The following SEMA3F variants were observed in gnomAD, a reference collection of about 807,000 sequenced individuals.
The protein encoded by SEMA3F is semaphorin 3F, also known as semaphorin-3F.
Under a neutral mutation model 98.5 loss-of-function variants are expected in SEMA3F, and 30 were observed. The observed-to-expected ratio is 0.30, with a 90% CI of 0.23 to 0.41. The LOEUF (loss-of-function observed/expected upper bound fraction) is 0.41. Among genes scored for constraint, SEMA3F ranks in the 10% least tolerant of loss-of-function variants. The probability of loss-of-function intolerance (pLI) is 1.00; values close to 1 mark genes in which losing one functional copy is unlikely to be tolerated. For synonymous variants in SEMA3F, 380 were observed against 444.8 expected (o/e 0.85, Z 1.83); for missense variants, 866 against 1,119.3 (o/e 0.77, Z 3.23).
intron 7 of SEMA3F, among the ~76,000 whole-genome samples, chr3:50,178,016 C>T (rs953681852): frequency 6.6e-6 from 1 of 151,996 alleles, no homozygotes; most frequent in Admixed American, 6.6e-5. Flanking sequence ...CGGAGGCGGG[C>T]GGATCACCTG....
chr3:50,171,141 CCCTCCACCCCCA>C (rs1485768037), intron 2 of SEMA3F, among the ~76,000 whole-genome samples: 1 of 152,164 alleles, frequency 6.6e-6, no homozygotes, highest in African/African-American at 2.4e-5. Context: ...GCAAGGGGCT[CCCTCCACCCCCA>C]CCTCCACCCA....
Position 50,183,181 on chromosome 3 carries a change from C to A in SEMA3F, c.1019-5C>A. 6.2e-7 allele frequency: 1 copy of A among 1,613,620 alleles called. No individual in the cohort carries two copies. The highest frequency in any genetic ancestry group is 8.5e-7 in the Non-Finnish European group (1 of 1,179,572). ...CCCTCCAACACCTTCTCCCTCTGTC[C>A]CCAGAGGACGTGTTTGTCCAGCAGA... On this transcript the variant is annotated splice_polypyrimidine_tract_variant and splice_region_variant and intron_variant, in intron 10 of 18. Transcript: ENST00000002829.
In SEMA3F at chr3:50,185,975, C is replaced by T. The variant is rs1408121995; in HGVS notation, c.1674C>T (p.Cys558=). The T allele has an allele frequency of 1.2e-6, 2 of 1,614,128 alleles. No individual in the cohort carries two copies. Among genetic ancestry groups the T allele is most frequent in the Non-Finnish European group, 1.7e-6 (2 of 1,180,012 alleles). The change falls in exon 16 of 19, where the codon TGC becomes TGT. Residue 558 remains cysteine, a synonymous_variant. Transcript: ENST00000002829. ...CGTATGGGGCTGCCTGTGCTGACTG[C>T]TGCCTTGCCCGGGACCCTTACTGTG... ...CQAYGAACAD[C]CLARDPYCAW...
In SEMA3F at chr3:50,182,521, G is replaced by C; in HGVS notation, c.763+118G>C. ...GTTTAGCCTATGACTACCTGGGGCA[G>C]GGGTAGTTTCTTATCTGGAGAGGAG... On this transcript the variant is annotated intron_variant, in intron 8 of 18. Transcript: ENST00000002829. The surrounding 1 kb of genome is among the most constrained non-coding windows in gnomAD (Gnocchi z 4.5). The C allele has an allele frequency of 6.4e-7, 1 of 1,571,296 alleles. No individual in the cohort carries two copies. Among genetic ancestry groups the C allele is most frequent in the South Asian group, 1.1e-5 (1 of 88,328 alleles).
At chr3:50,187,152 C>G (rs914395637) in intron 18 of SEMA3F, among the ~76,000 whole-genome samples, 1 of 152,142 alleles carries the variant, frequency 6.6e-6, no homozygotes, top group Admixed American at 6.5e-5. Flanking sequence ...TCTGGCTGGA[C>G]GTGGTGGCTC....
intron 2 of SEMA3F, among the ~76,000 whole-genome samples, chr3:50,160,989 C>T (rs1196742231): frequency 6.6e-6 from 1 of 152,188 alleles, no homozygotes; most frequent in Admixed American, 6.5e-5. Flanking sequence ...CCCCCTTCCC[C>T]GGGCCCCAGG....
Position 50,188,159 on chromosome 3 carries a change from C to A in SEMA3F, c.*44C>A. The A allele has an allele frequency of 4.1e-6, 4 of 970,022 alleles. No individual in the cohort carries two copies. The highest frequency in any genetic ancestry group is 5.5e-6 in the Non-Finnish European group (4 of 732,980). The allele number at this position is 970,022 out of a possible 1,614,324, so 60.1% of individuals were successfully genotyped here. ...GCCATGGGCCAGCCTAGCCCTTGTC[C>A]CTTTTAATATAAAAGATATATATAT... On this transcript the variant is annotated 3_prime_UTR_variant, in exon 19 of 19. Transcript: ENST00000002829. This position sits in a 1 kb window ranked among gnomAD's most constrained non-coding sequence, Gnocchi z 4.5.
intron 3 of SEMA3F, 32 bp from the exon 4 acceptor site, chr3:50,174,020 A>T: frequency 6.2e-7 from 1 of 1,613,982 alleles, no homozygotes; most frequent in Non-Finnish European, 8.5e-7. Flanking sequence ...GCATGTCCAG[A>T]AGGCTGCACC....
Position 50,175,120 on chromosome 3 carries a change from G to A in SEMA3F, c.481G>A (p.Ala161Thr). The change falls in exon 6 of 19, where the codon GCG (alanine) becomes ACG (threonine). Residue 161 changes from alanine to threonine, a missense_variant. Ala to Thr is a moderately conservative substitution (Grantham distance 58, BLOSUM62 0). Coordinates refer to ENST00000002829, the MANE Select transcript of SEMA3F (RefSeq NM_004186.5). ...GGCCACACCATGGACCCAGACTCAGGCGGTCAGAGGCCGCGGCAGCAGAGC... is the reference window on the plus strand; with the variant it reads ...GGCCACACCATGGACCCAGACTCAGACGGTCAGAGGCCGCGGCAGCAGAGC... ...AQATPWTQTQ[A>T]VRGRGSRATD... 9 of 1,611,686 alleles carry A rather than the reference G, an allele frequency of 5.6e-6. No homozygotes were observed. Among genetic ancestry groups the A allele is most frequent in the Non-Finnish European group, 7.6e-6 (9 of 1,179,256 alleles).
intron 18 of SEMA3F, among the ~76,000 whole-genome samples, chr3:50,186,988 G>C (rs574945183): frequency 3.3e-5 from 5 of 152,144 alleles, no homozygotes; most frequent in Non-Finnish European, 7.3e-5. Context: ...TACCACATTG[G>C]GGGTGTACCT....
chr3:50,186,780 G>A (rs754232747), intron 18 of SEMA3F, 34 bp downstream of exon 18: 2 of 1,558,716 alleles, frequency 1.3e-6, no homozygotes, highest in Non-Finnish European at 1.7e-6. Context: ...CACCGTGGAT[G>A]TGAGTCCTTG....
chr3:50,172,501 C>T (rs1173293666), intron 2 of SEMA3F, among the ~76,000 whole-genome samples: 7 of 152,078 alleles, frequency 4.6e-5, no homozygotes, highest in Admixed American at 4.6e-4. Flanking sequence ...AGGACTTTTC[C>T]CCAGCATCCT....
In SEMA3F at chr3:50,175,153, G is replaced by C; in HGVS notation, c.514G>C (p.Gly172Arg). Residue 172 changes from glycine (G) to arginine (R), a missense_variant, in exon 6 of 19, where the codon GGT becomes CGT. Coordinates refer to ENST00000002829, the MANE Select transcript of SEMA3F (RefSeq NM_004186.5). ...AGGCCGCGGCAGCAGAGCCACGGAT[G>C]GTGCCCTCCGCCCGATGCCCACAGC... Reference protein sequence around the residue: ...VRGRGSRATDGALRPMPTAPR... With the variant: ...VRGRGSRATDRALRPMPTAPR... The C allele has an allele frequency of 6.2e-7, 1 of 1,608,260 alleles. No homozygotes were observed. The highest frequency in any genetic ancestry group is 8.5e-7 in the Non-Finnish European group (1 of 1,177,912).
intron 5 of SEMA3F, among the ~76,000 whole-genome samples, chr3:50,174,781 T>A (rs1030904541): frequency 6.6e-6 from 1 of 152,156 alleles, no homozygotes; most frequent in African/African-American, 2.4e-5. Context: ...GGGCCAGGGT[T>A]GTGGGGAGCT....
At chr3:50,184,292 A>G (rs957652814) in intron 12 of SEMA3F, 9 of 447,970 alleles carry the variant, frequency 2.0e-5, no homozygotes, top group African/African-American at 1.8e-4. Flanking sequence ...ACCAGAGAGG[A>G]AGGAGATGAC....
intron 7 of SEMA3F, among the ~76,000 whole-genome samples, chr3:50,177,071 T>TATCCAAAGGGTAG (rs1698843814): frequency 6.6e-6 from 1 of 152,208 alleles, no homozygotes; most frequent in Non-Finnish European, 1.5e-5. Context: ...AGCCTCCGCC[T>TATCCAAAGGGTAG]GGCCCCTTTG....
At chr3:50,177,867 A>G (rs1698871585) in intron 7 of SEMA3F, among the ~76,000 whole-genome samples, 1 of 152,068 alleles carries the variant, frequency 6.6e-6, no homozygotes, top group Non-Finnish European at 1.5e-5. Flanking sequence ...ACTAAAAAAT[A>G]AAAAATAAAA....
rs1199338430 is a variant in SEMA3F at position 50,188,198 on chromosome 3, T to TATATATAA, written c.*84_*85insTATATAAA. On this transcript the variant is annotated 3_prime_UTR_variant, in exon 19 of 19. Transcript: ENST00000002829. This position sits in a 1 kb window ranked among gnomAD's most constrained non-coding sequence, Gnocchi z 4.5. The stretch of plus-strand genomic sequence containing the variant: ...AGATATATATATATATATATATATA[T>TATATATAA]AAAATATCTATATTCTATACACACC... 1 of 454,340 alleles carries TATATATAA rather than the reference T, an allele frequency of 2.2e-6. No homozygotes were observed. Among genetic ancestry groups the TATATATAA allele is most frequent in the Non-Finnish European group, 3.3e-6 (1 of 307,304 alleles). 28.1% of individuals were successfully genotyped at this position (454,340 alleles called of 1,614,324 possible).
chr3:50,182,520 AG>A lies in SEMA3F; in HGVS notation c.764-120del. The A allele has an allele frequency of 6.4e-7, 1 of 1,569,458 alleles. No individual in the cohort carries two copies. The highest frequency in any genetic ancestry group is 1.1e-5 in the South Asian group (1 of 88,340). ...TGTTTAGCCTATGACTACCTGGGGC[AG>A]GGGTAGTTTCTTATCTGGAGAGGAG... On this transcript the variant is annotated intron_variant, in intron 8 of 18. Coordinates refer to ENST00000002829, the MANE Select transcript of SEMA3F (RefSeq NM_004186.5). The surrounding 1 kb of genome is among the most constrained non-coding windows in gnomAD (Gnocchi z 4.5).
Sources: allele counts gnomAD v4.1 joint callset (sites outside exome capture counted in the v4.1 genomes callset), GRCh38; gene constraint gnomAD v4.1.1; non-coding constraint Gnocchi (gnomAD v3.1); transcripts MANE v1.5; gene names NCBI Gene and HGNC (gene_info 2026-07-23, HGNC 2026-07-21).